EYS: variants seen among roughly 807,000 people sequenced by gnomAD.
EYS encodes the protein EGF-like photoreceptor maintenance factor.
A neutral mutation model predicts 282.1 loss-of-function variants in EYS; 250 were observed. That is an observed-to-expected ratio of 0.89 (90% CI 0.80 to 0.98). The LOEUF (loss-of-function observed/expected upper bound fraction) is 0.98, where lower values mean the gene tolerates loss of function less well. Ranked by LOEUF, EYS falls within the 50% of genes least tolerant of loss-of-function variation. The pLI is 0.00. For missense variants in EYS, 4,016 were observed against 3,709.0 expected (o/e 1.08, Z -2.15); for synonymous variants, 1,355 against 1,282.9 (o/e 1.06, Z -1.20).
At chr6:64,787,736 T>C (rs1001377927) in intron 22 of EYS, among the ~76,000 whole-genome samples, 2 of 149,342 alleles carry the variant, frequency 1.3e-5, no homozygotes, top group African/African-American at 4.9e-5. Flanking sequence ...TTTTATAATA[T>C]ATATATCAGT....
At chr6:64,545,024 GC>G (rs545173269) in intron 26 of EYS, among the ~76,000 whole-genome samples, 172 of 152,250 alleles carry the variant, frequency 1.1e-3, no homozygotes, top group South Asian at 3.1e-3. Flanking sequence ...ATTTTATGAG[GC>G]CAGCATCATC....
chr6:65,582,017 G>A (rs1764888774), intron 2 of EYS, among the ~76,000 whole-genome samples: 1 of 151,200 alleles, frequency 6.6e-6, no homozygotes, highest in African/African-American at 2.4e-5. Context: ...GTGAAAACCT[G>A]TTTCTACTAA....
intron 22 of EYS, among the ~76,000 whole-genome samples, chr6:64,726,300 T>C (rs960254368): frequency 2.0e-5 from 3 of 152,184 alleles, no homozygotes; most frequent in African/African-American, 4.8e-5. Flanking sequence ...TGCCTGCATG[T>C]AAATGAGATT....
intron 13 of EYS, among the ~76,000 whole-genome samples, chr6:65,056,923 T>C (rs1773434063): frequency 6.6e-6 from 1 of 152,046 alleles, no homozygotes; most frequent in African/African-American, 2.4e-5. Context: ...GTAAAAATAT[T>C]TGAAGTGAGG....
chr6:65,014,356 TA>T, intron 13 of EYS, among the ~76,000 whole-genome samples: 1 of 152,198 alleles, frequency 6.6e-6, no homozygotes, highest in East Asian at 1.9e-4. Context: ...AATTGTAAAA[TA>T]AAAAATGTGA....
At chr6:64,647,164 A>T (rs1768383656) in intron 22 of EYS, among the ~76,000 whole-genome samples, 1 of 152,194 alleles carries the variant, frequency 6.6e-6, no homozygotes, top group South Asian at 2.1e-4. Flanking sequence ...TAAAAATGTA[A>T]ATTACATCAC....
intron 26 of EYS, among the ~76,000 whole-genome samples, chr6:64,538,917 C>A (rs1166703164): frequency 6.6e-6 from 1 of 152,042 alleles, no homozygotes; most frequent in Admixed American, 6.6e-5. Context: ...CTAGTAATTG[C>A]GCTGCTAACC....
At chr6:64,278,717 A>ACTCTCTCTCT (rs113366162) in intron 30 of EYS, among the ~76,000 whole-genome samples, 4 of 142,134 alleles carry the variant, frequency 2.8e-5, no homozygotes, top group African/African-American at 1.0e-4. Flanking sequence ...TCAGCCAAAA[A>ACTCTCTCTCT]CTCTCTCTCT....
intron 31 of EYS, among the ~76,000 whole-genome samples, chr6:64,212,582 T>TA (rs1765812646): frequency 6.6e-6 from 1 of 151,786 alleles, no homozygotes; most frequent in Non-Finnish European, 1.5e-5. Flanking sequence ...TTTTTTTTTT[T>TA]AACACCTTTA....
At chr6:63,847,634 C>A (rs577993533) in intron 36 of EYS, among the ~76,000 whole-genome samples, 1 of 152,112 alleles carries the variant, frequency 6.6e-6, no homozygotes, top group African/African-American at 2.4e-5. Flanking sequence ...TACTCTGTTG[C>A]CAGACTAATG....
chr6:64,692,471 C>T lies in EYS; in HGVS notation c.3444-66226G>A, dbSNP rs536657016. Among the ~76,000 whole-genome samples, 12 of 152,142 alleles carry T rather than the reference C, an allele frequency of 7.9e-5. No individual in the cohort carries two copies. The South Asian group carries it at 2.3e-3, about 29-fold the overall frequency. On this transcript the variant is annotated intron_variant, in intron 22 of 42. Transcript: ENST00000503581. ...TGCAAAGAAGCTCTTTAGTTTAATT[C>T]ACTTGCGCTTATCTAGATATTTTTG...
At chr6:64,969,156 C>T (rs1035234728) in intron 14 of EYS, among the ~76,000 whole-genome samples, 6 of 151,904 alleles carry the variant, frequency 3.9e-5, no homozygotes, top group African/African-American at 9.7e-5. Flanking sequence ...AGTTGGAGAC[C>T]GGCATGGCCT....
chr6:63,872,113 G>C (rs1215841550), intron 35 of EYS, among the ~76,000 whole-genome samples: 1 of 152,154 alleles, frequency 6.6e-6, no homozygotes, highest in Admixed American at 6.5e-5. Flanking sequence ...CCAGTGGGCA[G>C]GAATTCTAGC....
chr6:65,318,902 A>G (rs1769391058), intron 11 of EYS, among the ~76,000 whole-genome samples: 1 of 150,798 alleles, frequency 6.6e-6, no homozygotes, highest in South Asian at 2.1e-4. Context: ...TTGGCCTGCG[A>G]AAGTGCTGGG....
In EYS at chr6:65,658,466, T is replaced by G. The variant is rs554320317; in HGVS notation, c.-447-18574A>C. 2.0e-5 allele frequency among the ~76,000 whole-genome samples: 3 copies of G among 151,756 alleles called. No homozygotes were observed. The South Asian group carries it at 6.2e-4, about 31-fold the overall frequency. ...AACTCTTCCATAAACTTAAAACTAT[T>G]ATAAAATGAAAAGTTTATTTCTTTA... On this transcript the variant is annotated intron_variant, in intron 1 of 42. Transcript: ENST00000503581.
chr6:64,293,855 G>T (rs2150367030), intron 30 of EYS, among the ~76,000 whole-genome samples: 1 of 152,212 alleles, frequency 6.6e-6, no homozygotes, highest in Non-Finnish European at 1.5e-5. Flanking sequence ...ACATGTGAGT[G>T]CTTCTGTAGG....
chr6:64,030,770 C>T (rs781736998), intron 33 of EYS, among the ~76,000 whole-genome samples: 34 of 152,202 alleles, frequency 2.2e-4, no homozygotes, highest in Admixed American at 1.8e-3. Context: ...CATCAAGCTA[C>T]AGATGGTCTT....
chr6:63,892,358 C>T (rs2149725597), intron 35 of EYS, among the ~76,000 whole-genome samples: 1 of 152,308 alleles, frequency 6.6e-6, no homozygotes, highest in South Asian at 2.1e-4. Flanking sequence ...ACCAAAACAG[C>T]ATGGTACTGG....
intron 28 of EYS, among the ~76,000 whole-genome samples, chr6:64,413,595 A>AT (rs1335120865): frequency 1.2e-4 from 18 of 152,106 alleles, no homozygotes; most frequent in Admixed American, 9.2e-4. Context: ...CCAAAAAAAA[A>AT]CAGTATCAGG....
Sources: gnomAD v4.1 joint callset for allele counts (sites outside exome capture counted in the v4.1 genomes callset) on GRCh38, gnomAD v4.1.1 for gene constraint, MANE v1.5 for transcripts, NCBI Gene and HGNC (gene_info 2026-07-23, HGNC 2026-07-21) for gene names.